The following TTLL8 variants were observed in gnomAD, a reference collection of about 807,000 sequenced individuals.
The protein encoded by TTLL8 is protein monoglycylase TTLL8.
Under a neutral mutation model 77.8 loss-of-function variants are expected in TTLL8, and 65 were observed. The ratio of observed to expected loss-of-function variants is 0.84; its 90% CI spans 0.68 to 1.03. The LOEUF is 1.03. Ranked by LOEUF, TTLL8 falls within the 50% of genes least tolerant of loss-of-function variation. The probability of loss-of-function intolerance (pLI) is 0.00; values close to 1 mark genes in which losing one functional copy is unlikely to be tolerated. For missense variants in TTLL8, 910 were observed against 1,004.5 expected (o/e 0.91, Z 1.27); for synonymous variants, 402 against 422.8 (o/e 0.95, Z 0.60).
upstream of TTLL8, among the ~76,000 whole-genome samples, chr22:50,057,910 C>A (rs1296202245): frequency 6.7e-6 from 1 of 150,368 alleles, no homozygotes; most frequent in Non-Finnish European, 1.5e-5. Context: ...CTTTCGAGGG[C>A]GGGCGAGTGG....
chr22:50,037,837 G>A (rs959782518), intron 8 of TTLL8, among the ~76,000 whole-genome samples: 3 of 151,860 alleles, frequency 2.0e-5, no homozygotes, highest in African/African-American at 7.3e-5. Flanking sequence ...GTCTGTTTTG[G>A]CTCTTCTTAA....
intron 3 of TTLL8, 22 bp from the exon 6 acceptor site, chr22:50,047,318 T>C (rs753239196): frequency 1.9e-5 from 26 of 1,366,690 alleles, no homozygotes; most frequent in Non-Finnish European, 2.4e-5. Context: ...AAAGTCTTTA[T>C]TGATGCCCAG....
intron 6 of TTLL8, among the ~76,000 whole-genome samples, chr22:50,042,939 A>C (rs1161693797): frequency 6.6e-6 from 1 of 152,260 alleles, no homozygotes; most frequent in Admixed American, 6.5e-5. Context: ...AGTTTCTTAC[A>C]AAATGAAACA....
intron 4 of TTLL8, 175 bp downstream of exon 6, chr22:50,046,993 G>T: frequency 1.3e-6 from 1 of 754,028 alleles, no homozygotes; most frequent in East Asian, 1.3e-4. Context: ...CAGGGGTGCT[G>T]GGGGTGGGGT....
upstream of TTLL8, chr22:50,055,187 T>C (rs1235442875): frequency 3.9e-6 from 5 of 1,276,298 alleles, no homozygotes; most frequent in Admixed American, 7.4e-5. Flanking sequence ...ACAAATGTCC[T>C]TTTAAAAAAG....
upstream of TTLL8, among the ~76,000 whole-genome samples, chr22:50,058,240 G>C (rs1337893404): frequency 1.3e-5 from 2 of 151,134 alleles, no homozygotes; most frequent in African/African-American, 2.4e-5. This position sits in a 1 kb window ranked among gnomAD's most constrained non-coding sequence, Gnocchi z 4.2. Context: ...CGCGCATTGT[G>C]CACCCCCGGT....
upstream of TTLL8, among the ~76,000 whole-genome samples, chr22:50,056,587 C>T (rs994280584): frequency 6.6e-6 from 1 of 152,146 alleles, no homozygotes; most frequent in African/African-American, 2.4e-5. The surrounding 1 kb of genome is among the most constrained non-coding windows in gnomAD (Gnocchi z 4.1). Flanking sequence ...AGGGCCTCCA[C>T]GACCCGCCAG....
Position 50,050,091 on chromosome 22 carries a change from G to T in TTLL8, c.190+18C>A. 1 of 1,365,072 alleles carries T rather than the reference G, an allele frequency of 7.3e-7. No individual in the cohort carries two copies. Among genetic ancestry groups the T allele is most frequent in the Non-Finnish European group, 9.8e-7 (1 of 1,021,350 alleles). The allele number at this position is 1,365,072 out of a possible 1,614,324, so 84.6% of individuals were successfully genotyped here. On this transcript the variant is annotated intron_variant, in intron 2 of 13. Coordinates refer to ENST00000266182, the Ensembl canonical transcript of TTLL8. ...ACGCACACGCCCTGAGCTGAGACGT[G>T]CGCCTCCGATACGCTACCATTGACC... is the stretch of plus-strand genomic sequence containing the variant.
rs1418966473 is a variant in TTLL8 at position 50,030,597 on chromosome 22, G to A, written c.2036C>T (p.Ala679Val). ...ACTGTCCACGTGGCGACAGGGGCAG[G>A]CCGGGAGCTCCACCTTCCCAGCAGC... The change falls in exon 12 of 14, where the codon GCC (alanine) becomes GTC (valine). Residue 679 changes from alanine (A) to valine (V), a missense_variant. Ala to Val is a moderately conservative substitution (Grantham distance 64). Transcript: ENST00000266182. 2.5e-5 allele frequency: 33 copies of A among 1,298,224 alleles called. No individual in the cohort carries two copies. The South Asian group carries it at 2.7e-4, about 11-fold the overall frequency. 80.4% of individuals were successfully genotyped at this position (1,298,224 alleles called of 1,614,324 possible).
exon 6 of TTLL8, chr22:50,045,287 T>C (rs1036864305): frequency 1.2e-5 from 16 of 1,361,010 alleles, no homozygotes; most frequent in Non-Finnish European, 1.6e-5. Context: ...GCTCCCGGCC[T>C]CCTCCCTCTG....
At position 50,032,116 on chromosome 22, in the gene TTLL8, G is replaced by A. The variant is rs781381280; in HGVS notation, c.1284-7C>T. The A allele has an allele frequency of 1.5e-6, 2 of 1,348,258 alleles. No homozygotes were observed. Among genetic ancestry groups the A allele is most frequent in the South Asian group, 2.3e-5 (2 of 86,972 alleles). The allele number at this position is 1,348,258 out of a possible 1,614,324, so 83.5% of individuals were successfully genotyped here. On this transcript the variant is annotated splice_region_variant and splice_polypyrimidine_tract_variant and intron_variant, in intron 10 of 13. Transcript: ENST00000266182. The stretch of plus-strand genomic sequence containing the variant: ...GTTGCACAGGTGGATGGCGCTGCAG[G>A]GGGGACGAGGGGCAGGTGCTCAGCC...
chr22:50,021,202 G>GA (rs2061196354), intron 12 of TTLL8, among the ~76,000 whole-genome samples: 2 of 144,872 alleles, frequency 1.4e-5, no homozygotes, highest in African/African-American at 2.6e-5. Flanking sequence ...TCCATCTGAT[G>GA]TGTACTCCTC....
chr22:50,056,230 C>T (rs563483037), upstream of TTLL8, among the ~76,000 whole-genome samples: 74 of 152,280 alleles, frequency 4.9e-4, no homozygotes, highest in African/African-American at 1.1e-3. The surrounding 1 kb of genome is among the most constrained non-coding windows in gnomAD (Gnocchi z 4.1). Flanking sequence ...GGCCATAGCG[C>T]GATTTAACCG....
At chr22:50,048,406 G>A (rs913882348) in intron 3 of TTLL8, among the ~76,000 whole-genome samples, 1 of 152,090 alleles carries the variant, frequency 6.6e-6, no homozygotes, top group African/African-American at 2.4e-5. Flanking sequence ...TTATAAAAGA[G>A]GCCCCAGAAA....
chr22:50,052,450 C>G (rs1432702853), intron 1 of TTLL8, among the ~76,000 whole-genome samples: 1 of 152,026 alleles, frequency 6.6e-6, no homozygotes, highest in Non-Finnish European at 1.5e-5. Flanking sequence ...CGGGAGAGCA[C>G]ATGAAAGGAG....
At chr22:50,031,545 A>G (rs2061292920) in intron 11 of TTLL8, 141 bp downstream of exon 12, 2 of 1,183,036 alleles carry the variant, frequency 1.7e-6, no homozygotes, top group Non-Finnish European at 2.1e-6. Flanking sequence ...GGGACCGAGC[A>G]TGGTCACAGA....
At chr22:50,030,369 G>A in intron 12 of TTLL8, 61 bp downstream of exon 13, 1 of 1,237,206 alleles carries the variant, frequency 8.1e-7, no homozygotes, top group Non-Finnish European at 1.0e-6. Flanking sequence ...CTGCTGGCGA[G>A]GGTTGGGGAT....
exon 11 of TTLL8, chr22:50,031,713 G>A (rs775001606): frequency 1.8e-5 from 24 of 1,327,572 alleles, no homozygotes; most frequent in East Asian, 1.4e-4. Flanking sequence ...CGAAGTTGCC[G>A]ATGTCACAGC....
chr22:50,021,697 T>C (rs2061201680), intron 12 of TTLL8, among the ~76,000 whole-genome samples: 1 of 143,608 alleles, frequency 7.0e-6, no homozygotes, highest in Non-Finnish European at 1.5e-5. Flanking sequence ...TGACATGCAC[T>C]CCTCCATCTG....
Sources: allele counts gnomAD v4.1 joint callset (sites outside exome capture counted in the v4.1 genomes callset), GRCh38; gene constraint gnomAD v4.1.1; non-coding constraint Gnocchi (gnomAD v3.1); transcripts MANE v1.5; gene names NCBI Gene and HGNC (gene_info 2026-07-23, HGNC 2026-07-21).